SRGAP1: variants seen among roughly 807,000 people sequenced by gnomAD.
The protein encoded by SRGAP1 is SLIT-ROBO Rho GTPase activating protein 1, also known as SLIT-ROBO Rho GTPase-activating protein 1.
In SRGAP1, 43 loss-of-function variants were observed where a neutral mutation model predicts 121.9. The observed-to-expected ratio is 0.35, with a 90% CI of 0.28 to 0.46. The LOEUF (loss-of-function observed/expected upper bound fraction) is 0.46. Among genes scored for constraint, SRGAP1 ranks in the 20% least tolerant of loss-of-function variants. The probability of loss-of-function intolerance (pLI) is 1.00; values close to 1 mark genes in which losing one functional copy is unlikely to be tolerated. For synonymous variants in SRGAP1, 447 were observed against 485.4 expected, an observed-to-expected ratio of 0.92 and a Z score of 1.04; for missense variants, 1,102 against 1,350.9, an observed-to-expected ratio of 0.82 and a Z score of 2.89.
chr12:63,900,204 C>CTTTTTTTTCTTTTTTTTTTTT (rs755464707), intron 1 of SRGAP1, among the ~76,000 whole-genome samples: 7 of 87,516 alleles, frequency 8.0e-5, no homozygotes, highest in Non-Finnish European at 1.4e-4. Context: ...TTTTCTTTTT[C>CTTTTTTTTCTTTTTTTTTTTT]TTTTTTTTTT....
At position 64,063,113 on chromosome 12, in the gene SRGAP1, A is replaced by G; in HGVS notation, c.998A>G (p.Glu333Gly). ...PAAFCPPMKF[E>G]FQSHMGDEVC... ...GCGTTCTGTCCACCAATGAAGTTTG[A>G]GTTTCAGTCTCACATGGGTGATGAG... The change falls in exon 7 of 22, where the codon GAG becomes GGG. Residue 333 changes from glutamate to glycine, a missense_variant. By Grantham distance (98) the Glu-to-Gly change is moderately conservative. Transcript: ENST00000355086. The G allele has an allele frequency of 6.2e-7, 1 of 1,613,632 alleles. No homozygotes were observed. Among genetic ancestry groups the G allele is most frequent in the Non-Finnish European group, 8.5e-7 (1 of 1,179,564 alleles).
intron 21 of SRGAP1, among the ~76,000 whole-genome samples, chr12:64,134,527 C>T (rs938887201): frequency 1.3e-5 from 2 of 152,132 alleles, no homozygotes; most frequent in Non-Finnish European, 1.5e-5. Context: ...GACTAATCCA[C>T]TCCACCATCC....
At chr12:64,061,578 A>C (rs1801561459) in intron 6 of SRGAP1, among the ~76,000 whole-genome samples, 1 of 152,214 alleles carries the variant, frequency 6.6e-6, no homozygotes, top group Admixed American at 6.5e-5. Flanking sequence ...TTCACCCATT[A>C]TAAATCTACA....
Position 63,844,758 on chromosome 12 carries a change from C to T in SRGAP1, c.-59C>T. The stretch of plus-strand genomic sequence containing the variant: ...TACAACTCTGCCTCTCCAAGGAGAA[C>T]GGGTTGTGACCACTGAACAAAACTT... On this transcript the variant is annotated 5_prime_UTR_variant, in exon 1 of 22. The change creates a new upstream start codon in the 5' untranslated region. Transcript: ENST00000355086. This position sits in a 1 kb window ranked among gnomAD's most constrained non-coding sequence, Gnocchi z 4.3. 6.5e-7 allele frequency: 1 copy of T among 1,545,674 alleles called. No homozygotes were observed. The highest frequency in any genetic ancestry group is 1.1e-5 in the South Asian group (1 of 89,680).
chr12:64,047,711 T>C (rs1037742322), intron 6 of SRGAP1, among the ~76,000 whole-genome samples: 1 of 152,170 alleles, frequency 6.6e-6, no homozygotes, highest in African/African-American at 2.4e-5. Flanking sequence ...TGAACCATTA[T>C]AAATGGATCT....
chr12:64,043,942 G>T (rs2035074687), intron 6 of SRGAP1, among the ~76,000 whole-genome samples: 1 of 152,116 alleles, frequency 6.6e-6, no homozygotes, highest in Non-Finnish European at 1.5e-5. Flanking sequence ...AGATGCTGAA[G>T]CTCTTAGAAG....
intron 1 of SRGAP1, among the ~76,000 whole-genome samples, chr12:63,873,016 T>C (rs1488508500): frequency 6.6e-6 from 1 of 152,170 alleles, no homozygotes; most frequent in African/African-American, 2.4e-5. Context: ...ATGATTCTAA[T>C]ATGTTTCCTT....
intron 12 of SRGAP1, among the ~76,000 whole-genome samples, chr12:64,093,941 A>G (rs950834581): frequency 1.2e-4 from 19 of 152,168 alleles, no homozygotes; most frequent in African/African-American, 4.6e-4. Flanking sequence ...GGAAAGGTTA[A>G]TGGATTCTGA....
At chr12:63,864,414 T>A (rs1899555508) in intron 1 of SRGAP1, among the ~76,000 whole-genome samples, 1 of 152,236 alleles carries the variant, frequency 6.6e-6, no homozygotes, top group South Asian at 2.1e-4. Flanking sequence ...TAGATTAGTA[T>A]ACATCTCATG....
chr12:63,927,319 G>C (rs976610319), intron 1 of SRGAP1, among the ~76,000 whole-genome samples: 12 of 152,122 alleles, frequency 7.9e-5, no homozygotes, highest in African/African-American at 2.9e-4. Flanking sequence ...TACCCCTGGT[G>C]CCTGCTGCAG....
At chr12:63,975,630 A>C (rs1001918588) in intron 1 of SRGAP1, among the ~76,000 whole-genome samples, 2 of 151,932 alleles carry the variant, frequency 1.3e-5, no homozygotes, top group Admixed American at 1.3e-4. Context: ...TGCGTGTTTT[A>C]CACTCACAGC....
intron 1 of SRGAP1, chr12:63,888,363 T>C (rs1443447215): frequency 6.6e-6 from 1 of 152,242 alleles, no homozygotes; most frequent in Non-Finnish European, 1.5e-5. Context: ...CTTGTGTCTT[T>C]ATGGATTTAG....
At chr12:64,041,888 T>G (rs1029818219) in intron 4 of SRGAP1, among the ~76,000 whole-genome samples, 2 of 145,172 alleles carry the variant, frequency 1.4e-5, no homozygotes, top group African/African-American at 2.6e-5. Flanking sequence ...TTATTATTAT[T>G]ATTATTATTA....
intron 1 of SRGAP1, among the ~76,000 whole-genome samples, chr12:63,930,862 TATGGCCAG>T (rs2031452898): frequency 6.6e-6 from 1 of 152,220 alleles, no homozygotes; most frequent in Admixed American, 6.5e-5. Flanking sequence ...AAAAGATGAA[TATGGCCAG>T]ATGAGTTTCC....
intron 1 of SRGAP1, among the ~76,000 whole-genome samples, chr12:63,878,570 TG>T (rs1900097785): frequency 6.6e-6 from 1 of 152,238 alleles, no homozygotes; most frequent in Non-Finnish European, 1.5e-5. Context: ...TGTCAGCTTT[TG>T]ATTTCTGAAG....
chr12:64,095,496 C>T (rs932196777), intron 14 of SRGAP1, among the ~76,000 whole-genome samples: 4 of 152,128 alleles, frequency 2.6e-5, no homozygotes, highest in Admixed American at 6.5e-5. Flanking sequence ...GGAAGAGTGG[C>T]CAGGGCAGCC....
At chr12:64,044,685 T>TTTTTTTTTTTTTC (rs2035091175) in intron 6 of SRGAP1, among the ~76,000 whole-genome samples, 1 of 139,770 alleles carries the variant, frequency 7.2e-6, no homozygotes, top group African/African-American at 2.6e-5. Context: ...TTTTTTTTTT[T>TTTTTTTTTTTTTC]TTTTTTTTTT....
At chr12:64,088,682 T>A (rs2035991231) in intron 11 of SRGAP1, among the ~76,000 whole-genome samples, 1 of 152,198 alleles carries the variant, frequency 6.6e-6, no homozygotes, top group Non-Finnish European at 1.5e-5. Context: ...ACTGAGGCAA[T>A]TCGTTTTCAT....
intron 1 of SRGAP1, among the ~76,000 whole-genome samples, chr12:63,908,922 C>T (rs1038942945): frequency 6.6e-6 from 1 of 151,786 alleles, no homozygotes; most frequent in African/African-American, 2.4e-5. Flanking sequence ...GACGAAGTCT[C>T]ACTCTGTCAC....
Sources: allele counts gnomAD v4.1 joint callset (sites outside exome capture counted in the v4.1 genomes callset), GRCh38; gene constraint gnomAD v4.1.1; non-coding constraint Gnocchi (gnomAD v3.1); transcripts MANE v1.5; gene names NCBI Gene and HGNC (gene_info 2026-07-23, HGNC 2026-07-21).